Variants in DCDC1 observed in about 807,000 individuals in gnomAD.
DCDC1 encodes doublecortin domain-containing protein 1.
In DCDC1, 200 loss-of-function variants were observed where a neutral mutation model predicts 178.3. That is an observed-to-expected ratio of 1.12 (90% CI 1.00 to 1.26). The LOEUF is 1.26. Among genes scored for constraint, DCDC1 ranks in the 50% most tolerant of loss-of-function variants. DCDC1 has a pLI of 0.00. For missense variants in DCDC1, 1,983 were observed against 1,749.2 expected (o/e 1.13, Z -2.38); for synonymous variants, 690 against 604.8 (o/e 1.14, Z -2.07).
At chr11:31,095,048 G>A (rs1958063264) in intron 15 of DCDC1, among the ~76,000 whole-genome samples, 1 of 151,274 alleles carries the variant, frequency 6.6e-6, no homozygotes, top group Non-Finnish European at 1.5e-5. Context: ...GTGGTGTTTG[G>A]TTTTCTGTTC....
chr11:31,218,689 T>C (rs956190892), intron 9 of DCDC1, among the ~76,000 whole-genome samples: 5 of 152,164 alleles, frequency 3.3e-5, no homozygotes, highest in Non-Finnish European at 5.9e-5. Context: ...AGATGATAAG[T>C]TGGAGAGGAT....
intron 20 of DCDC1, among the ~76,000 whole-genome samples, chr11:30,989,624 G>A (rs975598675): frequency 6.6e-6 from 1 of 152,058 alleles, no homozygotes; most frequent in Non-Finnish European, 1.5e-5. Context: ...CAGCATATTT[G>A]TGCTTTCTAA....
intron 25 of DCDC1, among the ~76,000 whole-genome samples, chr11:30,918,913 C>T (rs1392834746): frequency 6.6e-6 from 1 of 151,996 alleles, no homozygotes; most frequent in African/African-American, 2.4e-5. Context: ...TTGTTTGTGC[C>T]GGACACCTTT....
intron 1 of DCDC1, among the ~76,000 whole-genome samples, chr11:31,344,209 T>C (rs1950697460): frequency 6.6e-6 from 1 of 152,178 alleles, no homozygotes; most frequent in Non-Finnish European, 1.5e-5. Flanking sequence ...ATGTGTTAAT[T>C]TTAATTTGAC....
chr11:31,214,351 G>T (rs190534163), intron 9 of DCDC1, among the ~76,000 whole-genome samples: 248 of 152,144 alleles, frequency 1.6e-3, no homozygotes, highest in Non-Finnish European at 2.8e-3. Flanking sequence ...ACAATTTTTT[G>T]AAAACTACAT....
intron 9 of DCDC1, among the ~76,000 whole-genome samples, chr11:31,206,150 T>C (rs1971839062): frequency 6.6e-6 from 1 of 152,042 alleles, no homozygotes; most frequent in Non-Finnish European, 1.5e-5. Context: ...AACCAGTAGG[T>C]GAAAAGTTGA....
intron 38 of DCDC1, among the ~76,000 whole-genome samples, chr11:30,870,950 T>C (rs917870479): frequency 2.0e-5 from 3 of 152,186 alleles, no homozygotes; most frequent in African/African-American, 7.2e-5. Flanking sequence ...ATGTCTATAC[T>C]AACAATGCCA....
chr11:31,273,671 A>G (rs1157936030), intron 7 of DCDC1, among the ~76,000 whole-genome samples: 1 of 152,204 alleles, frequency 6.6e-6, no homozygotes, highest in Admixed American at 6.5e-5. Context: ...ACTCAGTTCG[A>G]AAGTCGCTTC....
chr11:30,994,538 T>TAC (rs893324965), intron 20 of DCDC1, among the ~76,000 whole-genome samples: 1 of 148,074 alleles, frequency 6.8e-6, no homozygotes, highest in Non-Finnish European at 1.5e-5. Flanking sequence ...GTTATATATA[T>TAC]ATATATGTAT....
At chr11:30,941,271 C>T (rs1397734633) in intron 21 of DCDC1, among the ~76,000 whole-genome samples, 1 of 152,180 alleles carries the variant, frequency 6.6e-6, no homozygotes, top group South Asian at 2.1e-4. Flanking sequence ...TCCTATTTAT[C>T]CTTAAGTCAG....
chr11:31,027,195 A>G (rs2135248740), intron 20 of DCDC1, among the ~76,000 whole-genome samples: 1 of 151,976 alleles, frequency 6.6e-6, no homozygotes, highest in African/African-American at 2.4e-5. Flanking sequence ...ATTAGTTCAT[A>G]ATAGCTACCC....
intron 20 of DCDC1, among the ~76,000 whole-genome samples, chr11:31,004,816 T>A (rs1027546852): frequency 1.3e-5 from 2 of 152,052 alleles, no homozygotes; most frequent in African/African-American, 2.4e-5. Context: ...TTTCCCTATC[T>A]ATAAAATCAG....
At chr11:31,098,784 G>A (rs566868956) in intron 15 of DCDC1, among the ~76,000 whole-genome samples, 1 of 152,224 alleles carries the variant, frequency 6.6e-6, no homozygotes, top group East Asian at 1.9e-4. Context: ...TAAATAATTG[G>A]AGACATTTTT....
At chr11:31,215,381 A>T (rs1973410405) in intron 9 of DCDC1, 1 of 151,600 alleles carries the variant, frequency 6.6e-6, no homozygotes, top group Non-Finnish European at 1.5e-5. Flanking sequence ...TAAGATACAC[A>T]TGCATGATAT....
At chr11:31,098,350 C>T (rs558160272) in intron 15 of DCDC1, among the ~76,000 whole-genome samples, 2 of 152,232 alleles carry the variant, frequency 1.3e-5, no homozygotes, top group South Asian at 4.1e-4. Context: ...AATGTATTCA[C>T]CAAATTGTCA....
chr11:31,121,414 C>T (rs753188262), intron 11 of DCDC1, among the ~76,000 whole-genome samples: 8 of 146,046 alleles, frequency 5.5e-5, no homozygotes, highest in African/African-American at 7.7e-5. Context: ...AGGCTGCTCC[C>T]GGTTTTTTAT....
At chr11:31,222,822 C>G (rs902399989) in intron 9 of DCDC1, among the ~76,000 whole-genome samples, 1 of 152,118 alleles carries the variant, frequency 6.6e-6, no homozygotes, top group African/African-American at 2.4e-5. Flanking sequence ...CCTCATTTAA[C>G]ATTAACTACT....
intron 3 of DCDC1, among the ~76,000 whole-genome samples, chr11:31,310,566 A>G (rs1040440386): frequency 6.6e-6 from 1 of 151,630 alleles, no homozygotes; most frequent in African/African-American, 2.4e-5. Flanking sequence ...TGATCCTCCC[A>G]CCTTGGCCTC....
intron 20 of DCDC1, among the ~76,000 whole-genome samples, chr11:31,030,233 G>T (rs965221224): frequency 6.6e-6 from 1 of 151,310 alleles, no homozygotes; most frequent in Non-Finnish European, 1.5e-5. Flanking sequence ...TTACCTTCTT[G>T]CAATAAGCCT....
Sources: allele counts gnomAD v4.1 joint callset (sites outside exome capture counted in the v4.1 genomes callset), GRCh38; gene constraint gnomAD v4.1.1; transcripts MANE v1.5; gene names NCBI Gene and HGNC (gene_info 2026-07-23, HGNC 2026-07-21).